OTUD7B: variants seen among roughly 807,000 people sequenced by gnomAD.
OTUD7B encodes OTU domain-containing protein 7B.
In OTUD7B, 34 loss-of-function variants were observed where a neutral mutation model predicts 82.2. That is an observed-to-expected ratio of 0.41 (90% CI 0.31 to 0.55). The LOEUF is 0.55. Among genes scored for constraint, OTUD7B ranks in the 20% least tolerant of loss-of-function variants. OTUD7B has a pLI of 0.20. For missense variants in OTUD7B, 944 were observed against 1,062.1 expected (o/e 0.89, Z 1.55); for synonymous variants, 398 against 402.7 (o/e 0.99, Z 0.14).
In OTUD7B at chr1:149,943,877, G is replaced by T; in HGVS notation, c.2512C>A (p.Leu838Ile). Reference protein sequence around the residue: ...RRREREPDGELLVHRF With the variant: ...RRREREPDGEILVHRF Reference sequence around the variant, plus strand: ...CCCGTTCAGAACCTGTGCACCAGGAGCTCCCCATCCGGTTCCCGCTCCCTC... The same window carrying T: ...CCCGTTCAGAACCTGTGCACCAGGATCTCCCCATCCGGTTCCCGCTCCCTC... The change falls in exon 12 of 12, where the codon CTC becomes ATC. Residue 838 changes from leucine (L) to isoleucine (I), a missense_variant. Leu to Ile is a conservative substitution (Grantham distance 5). Transcript: ENST00000581312. 6.2e-7 allele frequency: 1 copy of T among 1,614,058 alleles called. No individual in the cohort carries two copies. Among genetic ancestry groups the T allele is most frequent in the East Asian group, 2.2e-5 (1 of 44,900 alleles).
At chr1:150,007,431 TAA>T (rs1553786407) in intron 1 of OTUD7B, among the ~76,000 whole-genome samples, 1 of 152,334 alleles carries the variant, frequency 6.6e-6, no homozygotes, top group South Asian at 2.1e-4. Context: ...TTTGTTACTT[TAA>T]GTCTTCTCAG....
Position 149,959,688 on chromosome 1 carries a change from C to T in OTUD7B, c.841G>A (p.Gly281Ser). ...MHLGTNGANCGGVESSEEPVY... is the reference protein window; with the variant it reads ...MHLGTNGANCSGVESSEEPVY... ...CCCCTACTTAGCCATACTTACCCAC[C>T]ACAGTTGGCTCCATTGGTACCTAGA... The change falls in exon 7 of 12, where the codon GGT becomes AGT. Residue 281 changes from glycine (G) to serine (S), a missense_variant. Coordinates refer to ENST00000581312, the MANE Select transcript of OTUD7B (RefSeq NM_020205.4). 6.2e-7 allele frequency: 1 copy of T among 1,606,854 alleles called. No individual in the cohort carries two copies. The highest frequency in any genetic ancestry group is 1.7e-4 in the Middle Eastern group (1 of 6,052).
At chr1:150,028,071 T>C in the OTUD7B span, among the ~76,000 whole-genome samples, 30 of 152,368 alleles carry the variant, frequency 2.0e-4, 1 homozygote, top group East Asian at 5.8e-3. Context: ...TGGTATTCAA[T>C]AATACTTATG....
At chr1:150,039,875 CTCAT>C in the OTUD7B span, among the ~76,000 whole-genome samples, 1 of 152,124 alleles carries the variant, frequency 6.6e-6, no homozygotes, top group African/African-American at 2.4e-5. Flanking sequence ...TTATTGCACT[CTCAT>C]TAATTCAAAT....
Position 149,969,121 on chromosome 1 carries a change from C to T in OTUD7B, c.275-1600G>A, listed in dbSNP as rs182383855. On this transcript the variant is annotated intron_variant, in intron 3 of 11. Coordinates refer to ENST00000581312, the MANE Select transcript of OTUD7B (RefSeq NM_020205.4). ...GAAGGATCACTTGAGCCCAGGAATT[C>T]GAGACCACCTGGGCAACAGAGTGAG... Among the ~76,000 whole-genome samples the T allele has an allele frequency of 1.1e-3, 170 of 152,194 alleles. 1 individual carries two copies. Among genetic ancestry groups the T allele is most frequent in the Middle Eastern group, 6.8e-3 (2 of 294 alleles).
intron 6 of OTUD7B, chr1:149,964,006 C>A: frequency 2.1e-6 from 1 of 486,000 alleles, no homozygotes; most frequent in Non-Finnish European, 3.7e-6. Flanking sequence ...TGTTAGATAA[C>A]CTCTCTGTAG....
upstream of OTUD7B, among the ~76,000 whole-genome samples, chr1:150,014,102 ATATAGTAG>A (rs1214441597): frequency 0.21 from 2,575 of 12,524 alleles, 195 homozygotes; most frequent in African/African-American, 0.36. Context: ...ATATATATAT[ATATAGTAG>A]GGGCTCAGCC....
chr1:149,957,136 C>CCCACTTGAGGAGGCAGTCTG (rs1559833980), intron 7 of OTUD7B, among the ~76,000 whole-genome samples: 7 of 151,888 alleles, frequency 4.6e-5, no homozygotes, highest in African/African-American at 1.5e-4. Context: ...GAATTTTCAG[C>CCCACTTGAGGAGGCAGTCTG]TTTTCTGCTC....
At chr1:150,042,880 C>T in the OTUD7B span, among the ~76,000 whole-genome samples, 1 of 152,048 alleles carries the variant, frequency 6.6e-6, no homozygotes, top group African/African-American at 2.4e-5. Flanking sequence ...AGCCAATGTC[C>T]CTAAACAGAA....
chr1:149,988,881 A>G (rs1444480004), intron 1 of OTUD7B, among the ~76,000 whole-genome samples: 1 of 152,206 alleles, frequency 6.6e-6, no homozygotes, highest in East Asian at 1.9e-4. Flanking sequence ...AATTTTTCAC[A>G]CAAGAGAAAA....
the OTUD7B span, among the ~76,000 whole-genome samples, chr1:150,050,843 C>T: frequency 1.3e-5 from 2 of 150,692 alleles, no homozygotes; most frequent in African/African-American, 4.9e-5. Flanking sequence ...TAAAAACATG[C>T]TTTCAAGTAA....
chr1:150,029,036 G>T, the OTUD7B span, among the ~76,000 whole-genome samples: 2 of 151,966 alleles, frequency 1.3e-5, no homozygotes, highest in African/African-American at 4.8e-5. Context: ...ATGAACATTT[G>T]GTGAACTGTA....
intron 2 of OTUD7B, among the ~76,000 whole-genome samples, chr1:149,974,517 TC>T (rs1650154136): frequency 6.7e-6 from 1 of 149,476 alleles, no homozygotes; most frequent in South Asian, 2.1e-4. Flanking sequence ...ACTCTTTTTT[TC>T]TTTTATTTTT....
intron 1 of OTUD7B, among the ~76,000 whole-genome samples, chr1:149,997,480 C>G (rs1024079315): frequency 6.6e-6 from 1 of 152,268 alleles, no homozygotes; most frequent in East Asian, 1.9e-4. Flanking sequence ...GACTAATGGG[C>G]CTTTGAGGCT....
intron 1 of OTUD7B, among the ~76,000 whole-genome samples, chr1:150,004,991 T>C (rs1430533849): frequency 6.6e-6 from 1 of 152,054 alleles, no homozygotes; most frequent in African/African-American, 2.4e-5. Context: ...GCCTCCTGAG[T>C]AGCTGGGATT....
the OTUD7B span, among the ~76,000 whole-genome samples, chr1:150,066,148 T>C: frequency 5.9e-5 from 9 of 152,154 alleles, no homozygotes; most frequent in Non-Finnish European, 1.3e-4. This position sits in a 1 kb window ranked among gnomAD's most constrained non-coding sequence, Gnocchi z 4.6. Context: ...AAATTATAGG[T>C]AAGAAAAATA....
intron 1 of OTUD7B, among the ~76,000 whole-genome samples, chr1:149,994,439 G>C (rs1553782912): frequency 6.6e-6 from 1 of 151,932 alleles, no homozygotes; most frequent in African/African-American, 2.4e-5. Context: ...AAATTAGGTA[G>C]GTGTGGTGGC....
In OTUD7B at chr1:149,942,477, C is replaced by G. The variant is rs1647324130; in HGVS notation, c.*1380G>C. 1 of 152,530 alleles carries G rather than the reference C, an allele frequency of 6.6e-6. No individual in the cohort carries two copies. The highest frequency in any genetic ancestry group is 1.5e-5 in the Non-Finnish European group (1 of 68,038). The allele number at this position is 152,530 out of a possible 1,614,324, so 9.4% of individuals were successfully genotyped here. On this transcript the variant is annotated 3_prime_UTR_variant, in exon 12 of 12. Transcript: ENST00000581312. The stretch of plus-strand genomic sequence containing the variant: ...GTGTCCGCATCCCCACTCCCAGCCC[C>G]TAGAGAACAGGGAAGGGTCAGGGAA...
chr1:149,944,985 G>C lies in OTUD7B; in HGVS notation c.1404C>G (p.Asp468Glu), dbSNP rs1443059261. 3 of 1,614,008 alleles carry C rather than the reference G, an allele frequency of 1.9e-6. No homozygotes were observed. Among genetic ancestry groups the C allele is most frequent in the Non-Finnish European group, 2.5e-6 (3 of 1,180,030 alleles). The change falls in exon 12 of 12, where the codon GAC becomes GAG. Residue 468 changes from aspartate (D) to glutamate (E), a missense_variant. Around this residue, in one of 3 missense-constraint regions of OTUD7B, gnomAD observed 530 missense variants for 625.6 expected, o/e 0.85. Coordinates refer to ENST00000581312, the MANE Select transcript of OTUD7B (RefSeq NM_020205.4). The part of the protein sequence containing the change: ...PRSTPESGDS[D>E]KESVGSSSTS... ...TGGAACTGCTGCCAACTGACTCCTT[G>C]TCTGAGTCTCCAGACTCAGGAGTGG... is the stretch of plus-strand genomic sequence containing the variant.
Sources: gnomAD v4.1 joint callset for allele counts (sites outside exome capture counted in the v4.1 genomes callset) on GRCh38, gnomAD v4.1.1 for gene constraint, gnomAD v4.1.1 regional missense constraint, Gnocchi (gnomAD v3.1) non-coding constraint, MANE v1.5 for transcripts, NCBI Gene and HGNC (gene_info 2026-07-23, HGNC 2026-07-21) for gene names.